CDH13: variants seen among roughly 807,000 people sequenced by gnomAD.
CDH13 encodes the protein cadherin-13.
A neutral mutation model predicts 63.8 loss-of-function variants in CDH13; 24 were observed. The ratio of observed to expected loss-of-function variants is 0.38; its 90% confidence interval spans 0.27 to 0.53. The LOEUF (loss-of-function observed/expected upper bound fraction) is 0.53, where lower values mean the gene tolerates loss of function less well. CDH13 is among the 20% of genes least tolerant of loss of function. CDH13 has a pLI of 0.85. For synonymous variants in CDH13, 503 were observed against 355.3 expected, an observed-to-expected ratio of 1.42 and a Z score of -4.67; for missense variants, 1,049 against 903.1, an observed-to-expected ratio of 1.16 and a Z score of -2.07.
rs895327335 is a variant in CDH13 at position 83,311,011 on chromosome 16, G to A, written c.637-33851G>A. 2.0e-5 allele frequency among the ~76,000 whole-genome samples: 3 copies of A among 152,142 alleles called. No individual in the cohort carries two copies. The East Asian group carries it at 5.8e-4, about 29-fold the overall frequency. ...CCACATAAAGGTTATCCTCTTCCAG[G>A]ACAGATGTGGTGGGAGCCTCCCCAC... On this transcript the variant is annotated intron_variant, in intron 5 of 13. Coordinates refer to ENST00000567109, the MANE Select transcript of CDH13 (RefSeq NM_001257.5).
At chr16:83,024,740 C>G (rs985613529) in intron 2 of CDH13, among the ~76,000 whole-genome samples, 2 of 152,188 alleles carry the variant, frequency 1.3e-5, no homozygotes, top group Non-Finnish European at 2.9e-5. Flanking sequence ...TACATTTGTA[C>G]GAAGTTGTCT....
At chr16:82,974,911 A>C (rs528780730) in intron 2 of CDH13, among the ~76,000 whole-genome samples, 1 of 152,320 alleles carries the variant, frequency 6.6e-6, no homozygotes, top group East Asian at 1.9e-4. Flanking sequence ...GGGATTTGTT[A>C]CAGCGGCCGC....
At chr16:82,796,365 C>T (rs1162068287) in intron 1 of CDH13, among the ~76,000 whole-genome samples, 1 of 152,194 alleles carries the variant, frequency 6.6e-6, no homozygotes, top group Non-Finnish European at 1.5e-5. Context: ...CCTTCAACAT[C>T]TCCCCAGGGT....
At chr16:83,367,541 C>G (rs1222374811) in intron 6 of CDH13, among the ~76,000 whole-genome samples, 1 of 152,134 alleles carries the variant, frequency 6.6e-6, no homozygotes, top group Non-Finnish European at 1.5e-5. Flanking sequence ...TATAAAGTGA[C>G]TCTGTGTTAA....
chr16:83,485,909 G>A (rs1428336832), intron 6 of CDH13, among the ~76,000 whole-genome samples: 1 of 152,118 alleles, frequency 6.6e-6, no homozygotes, highest in East Asian at 1.9e-4. Context: ...CTTGGAGGCC[G>A]AGGCAGGTGG....
At chr16:82,744,971 T>A (rs1040802298) in intron 1 of CDH13, among the ~76,000 whole-genome samples, 1 of 152,214 alleles carries the variant, frequency 6.6e-6, no homozygotes. Context: ...ATAGGTAGCA[T>A]TGACAGAGTC....
intron 7 of CDH13, among the ~76,000 whole-genome samples, chr16:83,578,666 G>A (rs1208281193): frequency 6.6e-6 from 1 of 152,178 alleles, no homozygotes; most frequent in Admixed American, 6.5e-5. Context: ...TGCCCTTGCT[G>A]TCAAGGATAT....
chr16:83,092,287 G>A (rs2033952988), intron 3 of CDH13, among the ~76,000 whole-genome samples: 1 of 152,194 alleles, frequency 6.6e-6, no homozygotes, highest in Non-Finnish European at 1.5e-5. Context: ...TGCCTTAAAT[G>A]CCTCCCACTG....
intron 2 of CDH13, among the ~76,000 whole-genome samples, chr16:82,941,022 C>T (rs561390042): frequency 2.0e-5 from 3 of 152,114 alleles, no homozygotes; most frequent in Non-Finnish European, 2.9e-5. Flanking sequence ...ATGGACAATA[C>T]AACAAGCATA....
intron 7 of CDH13, among the ~76,000 whole-genome samples, chr16:83,500,654 C>A (rs1316644781): frequency 7.0e-6 from 1 of 142,156 alleles, no homozygotes; most frequent in Non-Finnish European, 1.5e-5. Flanking sequence ...CTTACCACAA[C>A]CTCAGACTCC....
chr16:83,783,536 G>T (rs1379907667), intron 13 of CDH13, 64 bp downstream of exon 13: 10 of 1,278,678 alleles, frequency 7.8e-6, no homozygotes, highest in Non-Finnish European at 1.1e-5. Flanking sequence ...GGTTCGTGAA[G>T]CCAGCATTTT....
chr16:83,016,791 T>A (rs962271537), intron 2 of CDH13, among the ~76,000 whole-genome samples: 10 of 151,734 alleles, frequency 6.6e-5, no homozygotes, highest in African/African-American at 2.4e-4. Flanking sequence ...GAAGGAAGGA[T>A]GGGGTGTTTA....
intron 1 of CDH13, among the ~76,000 whole-genome samples, chr16:82,683,794 G>A (rs1349910641): frequency 6.6e-6 from 1 of 152,208 alleles, no homozygotes; most frequent in Non-Finnish European, 1.5e-5. Context: ...AAGACTTGAT[G>A]TGGATGATAT....
At chr16:82,664,163 TA>T (rs1912313251) in intron 1 of CDH13, among the ~76,000 whole-genome samples, 1 of 152,290 alleles carries the variant, frequency 6.6e-6, no homozygotes, top group African/African-American at 2.4e-5. Flanking sequence ...AAGCGCTAAA[TA>T]AATGTTAGCT....
At chr16:82,823,662 G>A (rs2038109098) in intron 1 of CDH13, 1 of 152,074 alleles carries the variant, frequency 6.6e-6, no homozygotes, top group Admixed American at 6.5e-5. Context: ...CAATAATACT[G>A]CTTTTGGAGG....
chr16:83,221,145 A>G (rs528261647), intron 5 of CDH13, among the ~76,000 whole-genome samples: 4 of 152,234 alleles, frequency 2.6e-5, no homozygotes, highest in Non-Finnish European at 5.9e-5. Flanking sequence ...CACTCTTCCT[A>G]TTTTATCCCC....
chr16:83,317,124 A>G (rs1238034708), intron 5 of CDH13, among the ~76,000 whole-genome samples: 1 of 152,216 alleles, frequency 6.6e-6, no homozygotes, highest in Non-Finnish European at 1.5e-5. Flanking sequence ...GAAACATCCT[A>G]CAATGCCCAG....
At chr16:83,111,566 T>C (rs1387953631) in intron 3 of CDH13, among the ~76,000 whole-genome samples, 2 of 152,230 alleles carry the variant, frequency 1.3e-5, no homozygotes, top group East Asian at 3.9e-4. Flanking sequence ...GATCATGGTA[T>C]GCTAGGACAA....
intron 2 of CDH13, among the ~76,000 whole-genome samples, chr16:82,883,914 T>C (rs2151209070): frequency 6.6e-6 from 1 of 152,284 alleles, no homozygotes; most frequent in East Asian, 1.9e-4. Flanking sequence ...ATCTTGGCTC[T>C]CCAACTTAAT....
Sources: gnomAD v4.1 joint callset for allele counts (sites outside exome capture counted in the v4.1 genomes callset) on GRCh38, gnomAD v4.1.1 for gene constraint, MANE v1.5 for transcripts, NCBI Gene and HGNC (gene_info 2026-07-23, HGNC 2026-07-21) for gene names.